COL4A1: variants seen among roughly 807,000 people sequenced by gnomAD.
COL4A1 encodes collagen alpha-1(IV) chain.
In COL4A1, 40 loss-of-function variants were observed where a neutral mutation model predicts 216.6. That is an observed-to-expected ratio of 0.18 (90% CI 0.14 to 0.24). The LOEUF is 0.24. Among genes scored for constraint, COL4A1 ranks in the 10% least tolerant of loss-of-function variants. COL4A1 has a pLI of 1.00. For synonymous variants in COL4A1, 839 were observed against 810.7 expected (o/e 1.03, Z -0.59); for missense variants, 1,628 against 2,196.8 (o/e 0.74, Z 5.18).
At chr13:110,233,496 T>C (rs1338231103) in intron 2 of COL4A1, among the ~76,000 whole-genome samples, 2 of 152,142 alleles carry the variant, frequency 1.3e-5, no homozygotes, top group African/African-American at 4.8e-5. Flanking sequence ...AAGTGATATC[T>C]CACGCATGTT....
chr13:110,277,946 C>T (rs963743797), intron 1 of COL4A1, among the ~76,000 whole-genome samples: 1 of 152,158 alleles, frequency 6.6e-6, no homozygotes, highest in African/African-American at 2.4e-5. Context: ...AGCATTATTG[C>T]CTTTGATGAA....
chr13:110,306,507 C>A (rs1884716059), intron 1 of COL4A1, among the ~76,000 whole-genome samples: 1 of 152,210 alleles, frequency 6.6e-6, no homozygotes, highest in Admixed American at 6.5e-5. Context: ...CTCCCAGGGG[C>A]TAGGAGCTCG....
chr13:110,160,981 T>C, intron 49 of COL4A1: 1 of 613,594 alleles, frequency 1.6e-6, no homozygotes, highest in Non-Finnish European at 2.8e-6. Flanking sequence ...AGTGTTGGGA[T>C]TACGGGCATG....
chr13:110,219,678 G>GTGTATATATATGTATATATA (rs373618952), intron 2 of COL4A1, among the ~76,000 whole-genome samples: 30 of 123,226 alleles, frequency 2.4e-4, no homozygotes, highest in African/African-American at 4.9e-4. Context: ...ATATATATAT[G>GTGTATATATATGTATATATA]TGTATATATA....
intron 49 of COL4A1, among the ~76,000 whole-genome samples, chr13:110,157,187 G>A (rs1876825028): frequency 6.6e-6 from 1 of 152,210 alleles, no homozygotes; most frequent in African/African-American, 2.4e-5. Context: ...AGGGTTAGTT[G>A]TGTCCAAGAC....
At chr13:110,288,148 C>A (rs1043329951) in intron 1 of COL4A1, among the ~76,000 whole-genome samples, 1 of 151,436 alleles carries the variant, frequency 6.6e-6, no homozygotes, top group African/African-American at 2.4e-5. Flanking sequence ...CCTGTAATCC[C>A]AGTTACTCGG....
At chr13:110,190,961 A>T (rs948052449) in intron 24 of COL4A1, 1 of 152,216 alleles carries the variant, frequency 6.6e-6, no homozygotes, top group African/African-American at 2.4e-5. Context: ...GAGTTGAGGC[A>T]GGAAGTCCAC....
Position 110,152,468 on chromosome 13 carries a change from C to T in COL4A1, c.4794G>A (p.Leu1598=). 2 of 1,613,832 alleles carry T rather than the reference C, an allele frequency of 1.2e-6. No homozygotes were observed. Among genetic ancestry groups the T allele is most frequent in the South Asian group, 1.1e-5 (1 of 91,050 alleles). ...SAGAEGSGQA[L]ASPGSCLEEF... ...CCTCCAGGCAGGAGCCGGGGGACGC[C>T]AGGGCTTGGCCAGAGCCTTCTGCAC... The change falls in exon 51 of 52, where the codon CTG becomes CTA. Residue 1598 remains leucine (L), a synonymous_variant. Coordinates refer to ENST00000375820, the MANE Select transcript of COL4A1 (RefSeq NM_001845.6).
At chr13:110,191,432 G>A (rs375310222) in intron 24 of COL4A1, 33 of 397,560 alleles carry the variant, frequency 8.3e-5, no homozygotes, top group Non-Finnish European at 1.2e-4. Flanking sequence ...AAGAAAATAC[G>A]AGAGGAACAA....
At chr13:110,265,600 A>T (rs1249126095) in intron 1 of COL4A1, 1 of 152,232 alleles carries the variant, frequency 6.6e-6, no homozygotes, top group Non-Finnish European at 1.5e-5. Context: ...GACTCCACAC[A>T]GGTGGCTGCA....
intron 4 of COL4A1, 79 bp downstream of exon 4, chr13:110,213,703 G>A (rs747743330): frequency 4.2e-6 from 6 of 1,415,568 alleles, no homozygotes; most frequent in African/African-American, 1.4e-5. Flanking sequence ...AAGGAGAAAG[G>A]AGGGAAAAGG....
chr13:110,152,642 A>T, intron 50 of COL4A1, 136 bp from the exon 51 acceptor site: 2 of 1,103,354 alleles, frequency 1.8e-6, no homozygotes, highest in Non-Finnish European at 2.6e-6. Context: ...TCACCACAGG[A>T]CACACTCTGT....
intron 2 of COL4A1, among the ~76,000 whole-genome samples, chr13:110,227,496 A>G (rs1253338336): frequency 1.3e-5 from 2 of 152,096 alleles, no homozygotes; most frequent in African/African-American, 4.8e-5. Context: ...ACATAAAGAG[A>G]GAGAAGCTTC....
rs752277246 is a variant in COL4A1 at position 110,166,217 on chromosome 13, A to T, written c.4021+15T>A. 3 of 1,542,684 alleles carry T rather than the reference A, an allele frequency of 1.9e-6. No homozygotes were observed. The highest frequency in any genetic ancestry group is 3.3e-5 in the Admixed American group (2 of 59,968). ...AGCACCAGTAAGGTGTCCACAGATC[A>T]ACAAACTCTCCTACCTTTAGCTCCC... On this transcript the variant is annotated intron_variant, in intron 45 of 51. Transcript: ENST00000375820.
In COL4A1 at chr13:110,210,086, G is replaced by A. The variant is rs769063719; in HGVS notation, c.552+43C>T. ...AAATGAGTTCAGATGCGAACTGGGA[G>A]GGTGAGGTGGCACATGTTCATAATG... is the stretch of plus-strand genomic sequence containing the variant. On this transcript the variant is annotated intron_variant, in intron 9 of 51. Transcript: ENST00000375820. 4 of 1,613,610 alleles carry A rather than the reference G, an allele frequency of 2.5e-6. No individual in the cohort carries two copies. In the Admixed American group the frequency reaches 5.0e-5, roughly 20 times the overall value.
At chr13:110,276,978 C>G (rs928358492) in intron 1 of COL4A1, among the ~76,000 whole-genome samples, 2 of 152,224 alleles carry the variant, frequency 1.3e-5, no homozygotes, top group Non-Finnish European at 2.9e-5. Flanking sequence ...AAAGCAGGGA[C>G]CCACTGGGAT....
Position 110,205,414 on chromosome 13 carries a change from C to A in COL4A1, c.904-8G>T, listed in dbSNP as rs767732094. On this transcript the variant is annotated splice_polypyrimidine_tract_variant and splice_region_variant and intron_variant, in intron 16 of 51. Transcript: ENST00000375820. Reference sequence around the variant, plus strand: ...GGGTTCACCAGGAAAACCCTGAAACCGAAGAGAGAAGCAGTAACCGTCAGA... The same window carrying A: ...GGGTTCACCAGGAAAACCCTGAAACAGAAGAGAGAAGCAGTAACCGTCAGA... 2 of 1,614,030 alleles carry A rather than the reference C, an allele frequency of 1.2e-6. No individual in the cohort carries two copies. The highest frequency in any genetic ancestry group is 1.7e-6 in the Non-Finnish European group (2 of 1,180,002).
chr13:110,256,738 C>T (rs9521672), intron 1 of COL4A1, among the ~76,000 whole-genome samples: 23,073 of 150,682 alleles, frequency 0.15, 2,059 homozygotes, highest in Non-Finnish European at 0.2. Flanking sequence ...TGCCCCAGAC[C>T]GGCGGCGGGG....
chr13:110,183,083 G>A lies in COL4A1; in HGVS notation c.2005C>T (p.Pro669Ser), dbSNP rs573054659. Residue 669 changes from proline (P) to serine (S), a missense_variant, in exon 28 of 52, where the codon CCC becomes TCC. Physicochemically the swap from Pro to Ser is moderately conservative, Grantham distance 74 (BLOSUM62 -1). Coordinates refer to ENST00000375820, the MANE Select transcript of COL4A1 (RefSeq NM_001845.6). The part of the protein sequence containing the change: ...FPGPQGDRGF[P>S]GTPGRPGLPG... ...AGGCCTGGCCTTCCTGGGGTTCCGGGAAAGCCTCGGTCTCCTGTGGTGAGA... is the reference window on the plus strand; with the variant it reads ...AGGCCTGGCCTTCCTGGGGTTCCGGAAAAGCCTCGGTCTCCTGTGGTGAGA... The A allele has an allele frequency of 6.2e-7, 1 of 1,612,946 alleles. No individual in the cohort carries two copies. Among genetic ancestry groups the A allele is most frequent in the Admixed American group, 1.7e-5 (1 of 59,912 alleles).
Sources: allele counts gnomAD v4.1 joint callset (sites outside exome capture counted in the v4.1 genomes callset), GRCh38; gene constraint gnomAD v4.1.1; transcripts MANE v1.5; gene names NCBI Gene and HGNC (gene_info 2026-07-23, HGNC 2026-07-21).